Variants in PCGF6 observed in about 807,000 individuals in gnomAD.
PCGF6 encodes the protein polycomb group RING finger protein 6.
In PCGF6, 24 loss-of-function variants were observed where a neutral mutation model predicts 45.5. The ratio of observed to expected loss-of-function variants is 0.53; its 90% CI spans 0.38 to 0.74. The LOEUF (loss-of-function observed/expected upper bound fraction) is 0.74, where lower values mean the gene tolerates loss of function less well. Ranked by LOEUF, PCGF6 falls within the 30% of genes least tolerant of loss-of-function variation. The probability of loss-of-function intolerance (pLI) is 0.00; values close to 1 mark genes in which losing one functional copy is unlikely to be tolerated. For missense variants in PCGF6, 356 were observed against 443.2 expected (o/e 0.80, Z 1.77); for synonymous variants, 152 against 162.1 (o/e 0.94, Z 0.47).
At position 103,329,480 on chromosome 10, in the gene PCGF6, CAT is replaced by C. The variant is rs564782376; in HGVS notation, c.811-2850_811-2849del. Among the ~76,000 whole-genome samples, 81 of 152,020 alleles carry C rather than the reference CAT, an allele frequency of 5.3e-4. 1 individual carries two copies. In the South Asian group the frequency reaches 0.016, roughly 31 times the overall value. On this transcript the variant is annotated intron_variant, in intron 7 of 9. Coordinates refer to ENST00000369847, the MANE Select transcript of PCGF6 (RefSeq NM_001011663.2). ...ACAAAAATTCTAACATAAGCATATACATATATATGTTTTTGAGATGGAGTTTT... is the reference window on the plus strand; with the variant it reads ...ACAAAAATTCTAACATAAGCATATACATATATGTTTTTGAGATGGAGTTTT...
intron 6 of PCGF6, among the ~76,000 whole-genome samples, chr10:103,343,248 T>C (rs1564734622): frequency 1.3e-5 from 2 of 151,452 alleles, no homozygotes; most frequent in Non-Finnish European, 2.9e-5. Flanking sequence ...TTAATAACAG[T>C]TGAGAGCACG....
intron 8 of PCGF6, among the ~76,000 whole-genome samples, chr10:103,320,049 G>A (rs1310302858): frequency 3.3e-5 from 5 of 151,910 alleles, no homozygotes; most frequent in Non-Finnish European, 5.9e-5. Context: ...CTCGTGATCC[G>A]CCCGCCTCAG....
chr10:103,311,447 C>CT lies in PCGF6; in HGVS notation c.996+2738dup, dbSNP rs764380692. Among the ~76,000 whole-genome samples, 1,028 of 137,482 alleles carry CT rather than the reference C, an allele frequency of 7.5e-3. 5 individuals carry two copies. The highest frequency in any genetic ancestry group is 0.029 in the Middle Eastern group (8 of 274). 90.2% of individuals were successfully genotyped at this position (137,482 alleles called of 152,430 possible). On this transcript the variant is annotated intron_variant, in intron 9 of 9. Coordinates refer to ENST00000369847, the MANE Select transcript of PCGF6 (RefSeq NM_001011663.2). ...GTGAGCCACTGTGCCCGGCCTCTCT[C>CT]TTTTTTTTTTTTTTTGAGACATGGT...
intron 6 of PCGF6, among the ~76,000 whole-genome samples, chr10:103,339,640 A>G (rs2093270992): frequency 1.3e-5 from 2 of 149,678 alleles, no homozygotes; most frequent in Non-Finnish European, 3.0e-5. Context: ...AAATACAAAA[A>G]TTAGCTGGGT....
intron 8 of PCGF6, among the ~76,000 whole-genome samples, chr10:103,321,599 C>G (rs1156928968): frequency 6.6e-6 from 1 of 151,920 alleles, no homozygotes; most frequent in Non-Finnish European, 1.5e-5. Context: ...GTAGTCGCAG[C>G]TACTCAGGAG....
chr10:103,350,625 G>C (rs572523147), intron 1 of PCGF6, 82 bp downstream of exon 1: 38 of 1,314,678 alleles, frequency 2.9e-5, no homozygotes, highest in Admixed American at 2.9e-4. Flanking sequence ...CACTAGGATC[G>C]GGCCGGCGCC....
At chr10:103,307,078 T>C (rs2093140647) in intron 9 of PCGF6, among the ~76,000 whole-genome samples, 2 of 151,786 alleles carry the variant, frequency 1.3e-5, no homozygotes, top group Non-Finnish European at 2.9e-5. Flanking sequence ...CACTCCAGCC[T>C]GGGTGACAGA....
At chr10:103,344,582 G>A (rs919327571) in intron 6 of PCGF6, among the ~76,000 whole-genome samples, 6 of 146,808 alleles carry the variant, frequency 4.1e-5, no homozygotes, top group Admixed American at 6.9e-5. Flanking sequence ...TTTTTTTTGA[G>A]ATGGAGTTTT....
Position 103,313,868 on chromosome 10 carries a change from C to A in PCGF6, c.996+318G>T, listed in dbSNP as rs538910653. ...CTTTTAGAATCAAACTGCCTAGAGT[C>A]TGAGCCCTGTCTCACCCACTGACTG... On this transcript the variant is annotated intron_variant, in intron 9 of 9. Coordinates refer to ENST00000369847, the MANE Select transcript of PCGF6 (RefSeq NM_001011663.2). Among the ~76,000 whole-genome samples the A allele has an allele frequency of 1.1e-4, 16 of 152,294 alleles. No homozygotes were observed. The South Asian group carries it at 2.7e-3, about 26-fold the overall frequency.
At chr10:103,334,259 T>C (rs764039809) in intron 6 of PCGF6, among the ~76,000 whole-genome samples, 3 of 152,244 alleles carry the variant, frequency 2.0e-5, no homozygotes, top group African/African-American at 7.2e-5. Flanking sequence ...TAGGGGATAA[T>C]AGACAAATTA....
chr10:103,344,623 C>T (rs888966204), intron 6 of PCGF6, among the ~76,000 whole-genome samples: 9 of 149,154 alleles, frequency 6.0e-5, no homozygotes, highest in African/African-American at 2.0e-4. Flanking sequence ...AGTGCAATGG[C>T]GCGATCTTGG....
At chr10:103,329,025 G>A (rs1346356356) in intron 7 of PCGF6, among the ~76,000 whole-genome samples, 14 of 151,374 alleles carry the variant, frequency 9.2e-5, no homozygotes, top group African/African-American at 2.9e-4. Flanking sequence ...GATTACAGGC[G>A]TGAGCCACTG....
chr10:103,316,011 TATAGAGAGAGAG>T (rs1204679923), intron 8 of PCGF6, among the ~76,000 whole-genome samples: 25 of 129,820 alleles, frequency 1.9e-4, no homozygotes, highest in South Asian at 1.7e-3. Context: ...TATATATATA[TATAGAGAGAGAG>T]AGAGAGAGAG....
intron 8 of PCGF6, among the ~76,000 whole-genome samples, chr10:103,325,142 T>TAAATAAAATAAAATAAAATAAAATA (rs202037510): frequency 6.9e-6 from 1 of 144,992 alleles, no homozygotes; most frequent in African/African-American, 2.6e-5. Context: ...CTCAAAATAA[T>TAAATAAAATAAAATAAAATAAAATA]AAATAAAATA....
chr10:103,341,169 C>A (rs1002353305), intron 6 of PCGF6, among the ~76,000 whole-genome samples: 5 of 151,296 alleles, frequency 3.3e-5, no homozygotes, highest in African/African-American at 9.7e-5. Flanking sequence ...GTGGAGGTTG[C>A]GGTGAGCCGA....
chr10:103,318,505 G>T (rs1485688307), intron 8 of PCGF6, among the ~76,000 whole-genome samples: 4 of 151,892 alleles, frequency 2.6e-5, no homozygotes, highest in African/African-American at 7.3e-5. Context: ...AGCACTTTGG[G>T]AGGCTGAGGC....
intron 6 of PCGF6, 92 bp from the exon 7 acceptor site, chr10:103,334,044 A>G: frequency 1.2e-6 from 1 of 811,266 alleles, no homozygotes; most frequent in Non-Finnish European, 1.8e-6. Flanking sequence ...GAGAAACATC[A>G]ATTCATTGTA....
intron 8 of PCGF6, among the ~76,000 whole-genome samples, chr10:103,320,654 C>A (rs189588849): frequency 1.3e-5 from 2 of 151,848 alleles, no homozygotes; most frequent in Non-Finnish European, 2.9e-5. Flanking sequence ...CGCACCATTG[C>A]ACTCCATCCT....
intron 8 of PCGF6, 63 bp from the exon 9 acceptor site, chr10:103,314,335 G>C (rs987357079): frequency 4.2e-6 from 4 of 960,534 alleles, no homozygotes; most frequent in Non-Finnish European, 4.8e-6. Flanking sequence ...GAAGAAATGA[G>C]GAAAACAAAT....
Sources: gnomAD v4.1 joint callset for allele counts (sites outside exome capture counted in the v4.1 genomes callset) on GRCh38, gnomAD v4.1.1 for gene constraint, MANE v1.5 for transcripts, NCBI Gene and HGNC (gene_info 2026-07-23, HGNC 2026-07-21) for gene names.